FRMD3: variants seen among roughly 807,000 people sequenced by gnomAD.
FRMD3 encodes the protein FERM domain containing 3, also known as FERM domain-containing protein 3.
In FRMD3, 33 loss-of-function variants were observed where a neutral mutation model predicts 70.2. The observed-to-expected ratio is 0.47, with a 90% CI of 0.36 to 0.63. The LOEUF (loss-of-function observed/expected upper bound fraction) is 0.63, where lower values mean the gene tolerates loss of function less well. Ranked by LOEUF, FRMD3 falls within the 20% of genes least tolerant of loss-of-function variation. The pLI is 0.00. For synonymous variants in FRMD3, 279 were observed against 255.9 expected (o/e 1.09, Z -0.86); for missense variants, 632 against 711.4 (o/e 0.89, Z 1.27).
rs1173731169 is a variant in FRMD3 at position 83,316,159 on chromosome 9, TTC to T, written c.597-2414_597-2413del. On this transcript the variant is annotated intron_variant, in intron 6 of 13. Coordinates refer to ENST00000304195, the MANE Select transcript of FRMD3 (RefSeq NM_174938.6). The stretch of plus-strand genomic sequence containing the variant: ...TTATTCTTTTTTCTCTTTTTTTTTT[TTC>T]TTTTTTTTTTTTTTTGAGACAGAGT... Among the ~76,000 whole-genome samples the T allele has an allele frequency of 6.0e-4, 75 of 125,310 alleles. 1 individual carries two copies. Among genetic ancestry groups the T allele is most frequent in the Non-Finnish European group, 8.6e-4 (54 of 62,950 alleles). The allele number at this position is 125,310 out of a possible 152,430, so 82.2% of individuals were successfully genotyped here. A position where few individuals can be genotyped will look rare whatever the true frequency, so the allele number is the denominator to read the frequency against.
chr9:83,323,167 C>A (rs1290269991), intron 6 of FRMD3, among the ~76,000 whole-genome samples: 1 of 152,146 alleles, frequency 6.6e-6, no homozygotes, highest in Non-Finnish European at 1.5e-5. Context: ...TACAGCAATT[C>A]CACTCATAGT....
At chr9:83,370,022 A>ACATCATT (rs1824919731) in intron 3 of FRMD3, among the ~76,000 whole-genome samples, 1 of 152,202 alleles carries the variant, frequency 6.6e-6, no homozygotes, top group Non-Finnish European at 1.5e-5. Context: ...ACCCTGGGAA[A>ACATCATT]CATCATTCCT....
At chr9:83,378,062 C>T (rs10780599) in intron 2 of FRMD3, among the ~76,000 whole-genome samples, 63,314 of 151,560 alleles carry the variant, frequency 0.42, 13,502 homozygotes, top group Admixed American at 0.49. Flanking sequence ...GGACTTAGAG[C>T]GAGTTCCCTG....
chr9:83,472,991 G>T (rs1220010148), intron 1 of FRMD3, among the ~76,000 whole-genome samples: 1 of 152,030 alleles, frequency 6.6e-6, no homozygotes, highest in Non-Finnish European at 1.5e-5. Flanking sequence ...CACTCACCAG[G>T]ATTGTGGCGA....
chr9:83,537,710 C>T lies in FRMD3; in HGVS notation c.147+375G>A, dbSNP rs138326878. On this transcript the variant is annotated intron_variant, in intron 1 of 13. Transcript: ENST00000304195. This position sits in a 1 kb window ranked among gnomAD's most constrained non-coding sequence, Gnocchi z 4.1. ...GAAGAAGGGAGGAAATACCAGTGGG[C>T]GACATGCAGGTGCCCCTCTCAGCCC... 4.9e-3 allele frequency among the ~76,000 whole-genome samples: 741 copies of T among 152,298 alleles called. 7 individuals carry two copies. Among genetic ancestry groups the T allele is most frequent in the African/African-American group, 0.017 (704 of 41,578 alleles).
At chr9:83,415,499 G>C (rs1826407241) in intron 1 of FRMD3, among the ~76,000 whole-genome samples, 1 of 146,116 alleles carries the variant, frequency 6.8e-6, no homozygotes, top group Non-Finnish European at 1.5e-5. Context: ...CTGGAGTGCA[G>C]TGGCGCGATC....
At chr9:83,355,966 G>C (rs1824322233) in intron 3 of FRMD3, among the ~76,000 whole-genome samples, 1 of 152,206 alleles carries the variant, frequency 6.6e-6, no homozygotes, top group African/African-American at 2.4e-5. Flanking sequence ...GGGGAGCCAA[G>C]TGTCTCCTCG....
chr9:83,403,240 C>T (rs754731672), intron 1 of FRMD3, among the ~76,000 whole-genome samples: 81 of 152,042 alleles, frequency 5.3e-4, no homozygotes, highest in Non-Finnish European at 1.0e-3. Flanking sequence ...ATTCCCTCCC[C>T]CAGGCCAAAC....
At chr9:83,324,830 G>A (rs998403409) in intron 6 of FRMD3, among the ~76,000 whole-genome samples, 4 of 152,174 alleles carry the variant, frequency 2.6e-5, no homozygotes, top group Admixed American at 6.5e-5. Flanking sequence ...ATTGGCATTT[G>A]CCCTCACTAG....
chr9:83,408,175 A>G (rs1826180422), intron 1 of FRMD3, among the ~76,000 whole-genome samples: 1 of 152,168 alleles, frequency 6.6e-6, no homozygotes, highest in African/African-American at 2.4e-5. Context: ...ATGTCCTCTC[A>G]ACGAGATGAA....
chr9:83,403,901 C>T (rs1826024462), intron 1 of FRMD3, among the ~76,000 whole-genome samples: 2 of 152,064 alleles, frequency 1.3e-5, no homozygotes, highest in African/African-American at 4.8e-5. Flanking sequence ...TACTTCCAGC[C>T]CAGCATGGCC....
At chr9:83,328,821 T>C (rs557058392) in intron 6 of FRMD3, among the ~76,000 whole-genome samples, 1 of 152,302 alleles carries the variant, frequency 6.6e-6, no homozygotes, top group East Asian at 1.9e-4. Flanking sequence ...GGATGAAATA[T>C]AAATGGATAG....
At chr9:83,349,162 A>C (rs1229464318) in intron 4 of FRMD3, among the ~76,000 whole-genome samples, 1 of 152,140 alleles carries the variant, frequency 6.6e-6, no homozygotes, top group African/African-American at 2.4e-5. Flanking sequence ...CAACAGAGGG[A>C]GGTGAGAAGG....
Position 83,248,068 on chromosome 9 carries a change from G to C in FRMD3, c.1644C>G (p.Leu548=). 1.2e-6 allele frequency: 2 copies of C among 1,614,164 alleles called. No individual in the cohort carries two copies. The highest frequency in any genetic ancestry group is 1.7e-6 in the Non-Finnish European group (2 of 1,180,048). The change falls in exon 14 of 14, where the codon CTC becomes CTG. Residue 548 remains leucine (L), a synonymous_variant. Coordinates refer to ENST00000304195, the MANE Select transcript of FRMD3 (RefSeq NM_174938.6). The part of the protein sequence containing the change: ...LLLFVFPLLL[L]LLESGIDLSF... ...AGAGATCAATACCTGACTCCAAAAGGAGGAGGAGCAGGGGAAATACAAAGA... is the reference window on the plus strand; with the variant it reads ...AGAGATCAATACCTGACTCCAAAAGCAGGAGGAGCAGGGGAAATACAAAGA...
chr9:83,243,978 A>G (rs555313441), downstream of FRMD3, among the ~76,000 whole-genome samples: 2 of 152,266 alleles, frequency 1.3e-5, no homozygotes, highest in South Asian at 4.1e-4. Flanking sequence ...AATACAAAAA[A>G]TTAGCTGGAT....
chr9:83,384,845 A>G (rs1226098868), intron 2 of FRMD3, among the ~76,000 whole-genome samples: 4 of 152,186 alleles, frequency 2.6e-5, no homozygotes, highest in Non-Finnish European at 4.4e-5. Flanking sequence ...ACAGATAATT[A>G]GCAATTCCAA....
Position 83,244,885 on chromosome 9 carries a change from ATACTT to A in FRMD3, c.*3028_*3032del, listed in dbSNP as rs145123232. ...ATATTTTTCAAGCACAGACAAATAC[ATACTT>A]TACTTTACCTACATTGTTTTCATGA... On this transcript the variant is annotated 3_prime_UTR_variant, in exon 14 of 14. Coordinates refer to ENST00000304195, the MANE Select transcript of FRMD3 (RefSeq NM_174938.6). The A allele has an allele frequency of 0.014, 13,999 of 984,814 alleles. 1,339 individuals carry two copies. The African/African-American group carries it at 0.21, about 15-fold the overall frequency. The allele number at this position is 984,814 out of a possible 1,614,324, so 61.0% of individuals were successfully genotyped here.
chr9:83,323,287 G>A (rs1005347225), intron 6 of FRMD3, among the ~76,000 whole-genome samples: 1 of 152,182 alleles, frequency 6.6e-6, no homozygotes, highest in Admixed American at 6.5e-5. Flanking sequence ...TGTCTATCAA[G>A]AGTAGAATGA....
At chr9:83,421,634 G>A (rs964461021) in intron 1 of FRMD3, among the ~76,000 whole-genome samples, 5 of 152,080 alleles carry the variant, frequency 3.3e-5, no homozygotes, top group South Asian at 2.1e-4. Context: ...GGCAGCTGAG[G>A]GTTATTTTCC....
Sources: allele counts gnomAD v4.1 joint callset (sites outside exome capture counted in the v4.1 genomes callset), GRCh38; gene constraint gnomAD v4.1.1; non-coding constraint Gnocchi (gnomAD v3.1); transcripts MANE v1.5; gene names NCBI Gene and HGNC (gene_info 2026-07-23, HGNC 2026-07-21).